TTC28: variants seen among roughly 807,000 people sequenced by gnomAD.
TTC28 encodes the protein tetratricopeptide repeat protein 28.
In TTC28, 61 loss-of-function variants were observed where a neutral mutation model predicts 198.0. The observed-to-expected ratio is 0.31, with a 90% CI of 0.25 to 0.38. The LOEUF is 0.38. Ranked by LOEUF, TTC28 falls within the 10% of genes least tolerant of loss-of-function variation. The pLI is 1.00. For synonymous variants in TTC28, 1,171 were observed against 1,297.8 expected (o/e 0.90, Z 2.10); for missense variants, 2,678 against 3,164.0 (o/e 0.85, Z 3.69).
intron 2 of TTC28, among the ~76,000 whole-genome samples, chr22:28,452,519 A>C (rs2047798266): frequency 6.6e-6 from 1 of 152,034 alleles, no homozygotes; most frequent in Non-Finnish European, 1.5e-5. Context: ...AAAGTCAATA[A>C]GGATAAAATA....
chr22:28,353,479 T>G (rs971710022), intron 2 of TTC28, among the ~76,000 whole-genome samples: 4 of 152,164 alleles, frequency 2.6e-5, no homozygotes, highest in African/African-American at 9.7e-5. Context: ...ACAGTTGTTA[T>G]AATGGCATAA....
At chr22:28,633,804 G>A (rs540526594) in intron 1 of TTC28, among the ~76,000 whole-genome samples, 42 of 152,254 alleles carry the variant, frequency 2.8e-4, no homozygotes, top group African/African-American at 9.6e-4. Context: ...GATGAACAAC[G>A]TTAAATAAAT....
chr22:27,996,962 T>C (rs893734957), intron 16 of TTC28, among the ~76,000 whole-genome samples: 4 of 152,216 alleles, frequency 2.6e-5, no homozygotes, highest in African/African-American at 4.8e-5. Context: ...AAGATCCTTT[T>C]CAAAATGCCA....
chr22:28,436,192 T>C (rs889440331), intron 2 of TTC28, among the ~76,000 whole-genome samples: 7 of 152,154 alleles, frequency 4.6e-5, no homozygotes, highest in African/African-American at 9.7e-5. Context: ...GATAAATGGA[T>C]AGAGATAAAT....
chr22:28,497,029 T>C (rs960937548), intron 2 of TTC28, among the ~76,000 whole-genome samples: 2 of 152,152 alleles, frequency 1.3e-5, no homozygotes, highest in Non-Finnish European at 2.9e-5. Context: ...TTAAATATCA[T>C]CTTCTTGATA....
intron 2 of TTC28, among the ~76,000 whole-genome samples, chr22:28,511,647 G>A (rs1052038149): frequency 2.6e-4 from 39 of 151,874 alleles, no homozygotes; most frequent in African/African-American, 8.2e-4. Flanking sequence ...GTGAAACCCC[G>A]TCTCTACTAA....
chr22:28,319,916 C>G (rs1401537734), intron 2 of TTC28, among the ~76,000 whole-genome samples: 2 of 152,154 alleles, frequency 1.3e-5, no homozygotes. Flanking sequence ...TTTTCATAGA[C>G]TGCTTTCTGG....
intron 10 of TTC28, among the ~76,000 whole-genome samples, chr22:28,096,744 T>C (rs76806120): frequency 0.021 from 3,269 of 152,104 alleles, 56 homozygotes; most frequent in Middle Eastern, 0.038. Context: ...CTGGCTTTTT[T>C]TTTTCTAACC....
At chr22:28,410,433 T>C (rs2047063410) in intron 2 of TTC28, among the ~76,000 whole-genome samples, 1 of 152,256 alleles carries the variant, frequency 6.6e-6, no homozygotes, top group South Asian at 2.1e-4. Flanking sequence ...TGTTTATCTA[T>C]ATTCATCTTA....
At chr22:28,307,893 T>C (rs2045177320) in intron 2 of TTC28, among the ~76,000 whole-genome samples, 1 of 152,120 alleles carries the variant, frequency 6.6e-6, no homozygotes, top group Admixed American at 6.5e-5. Context: ...ATAAAAAATA[T>C]ATAATTTAAA....
chr22:28,639,227 T>G (rs935223419), intron 1 of TTC28, among the ~76,000 whole-genome samples: 4 of 152,134 alleles, frequency 2.6e-5, no homozygotes, highest in African/African-American at 7.2e-5. Context: ...TTTTATTAGA[T>G]CCATGTAATT....
At chr22:27,998,472 A>C in intron 16 of TTC28, 68 bp downstream of exon 16, 1 of 1,482,870 alleles carries the variant, frequency 6.7e-7, no homozygotes, top group South Asian at 1.4e-5. Context: ...CTGGCAGAAT[A>C]AAGTCGGGGG....
chr22:28,577,510 A>G (rs1472858429), intron 2 of TTC28, among the ~76,000 whole-genome samples: 3 of 151,822 alleles, frequency 2.0e-5, no homozygotes, highest in African/African-American at 7.3e-5. Context: ...ATGAAGTCCA[A>G]TGTTTATTTG....
At chr22:28,001,720 C>T (rs913790059) in intron 14 of TTC28, 167 bp from the exon 15 acceptor site, 18 of 747,792 alleles carry the variant, frequency 2.4e-5, no homozygotes, top group Admixed American at 8.5e-5. Flanking sequence ...CCTGCAGGAG[C>T]GGCACCAACT....
intron 12 of TTC28, among the ~76,000 whole-genome samples, chr22:28,032,240 A>AG (rs1569094935): frequency 4.3e-4 from 48 of 112,522 alleles, no homozygotes; most frequent in African/African-American, 1.5e-3. Context: ...TATAAAATAT[A>AG]TATATATAAA....
chr22:28,532,736 T>C (rs978191455), intron 2 of TTC28, among the ~76,000 whole-genome samples: 4 of 152,206 alleles, frequency 2.6e-5, no homozygotes, highest in Admixed American at 2.0e-4. Flanking sequence ...ATCCCTGGGA[T>C]GCAAGGCTGG....
chr22:28,235,665 A>G (rs979747143), intron 5 of TTC28, among the ~76,000 whole-genome samples: 50 of 152,344 alleles, frequency 3.3e-4, no homozygotes, highest in Non-Finnish European at 1.5e-4. Context: ...GAATATGGTA[A>G]TGGTAGCGTC....
chr22:28,501,202 T>G (rs954343687), intron 2 of TTC28, among the ~76,000 whole-genome samples: 1 of 152,110 alleles, frequency 6.6e-6, no homozygotes, highest in Non-Finnish European at 1.5e-5. Context: ...ATGCAGTAAA[T>G]ATAATCATCA....
intron 2 of TTC28, among the ~76,000 whole-genome samples, chr22:28,442,361 T>C (rs1484091265): frequency 1.3e-5 from 2 of 152,234 alleles, no homozygotes; most frequent in East Asian, 3.9e-4. Context: ...AGGAGGCCTC[T>C]CGGCCCGCCG....
Sources: allele counts gnomAD v4.1 joint callset (sites outside exome capture counted in the v4.1 genomes callset), GRCh38; gene constraint gnomAD v4.1.1; transcripts MANE v1.5; gene names NCBI Gene and HGNC (gene_info 2026-07-23, HGNC 2026-07-21).